The following LMNB1 variants were observed in gnomAD, a reference collection of about 807,000 sequenced individuals.
LMNB1 encodes lamin B1, also known as lamin-B1.
In LMNB1, 23 loss-of-function variants were observed where a neutral mutation model predicts 67.1. The ratio of observed to expected loss-of-function variants is 0.34; its 90% CI spans 0.25 to 0.49. The LOEUF is 0.49. Among genes scored for constraint, LMNB1 ranks in the 20% least tolerant of loss-of-function variants. The probability of loss-of-function intolerance (pLI) is 0.99; values close to 1 mark genes in which losing one functional copy is unlikely to be tolerated. For synonymous variants in LMNB1, 281 were observed against 282.9 expected, an observed-to-expected ratio of 0.99 and a Z score of 0.07; for missense variants, 634 against 746.5, an observed-to-expected ratio of 0.85 and a Z score of 1.76.
chr5:126,818,094 C>T (rs902005148), intron 5 of LMNB1, among the ~76,000 whole-genome samples: 6 of 152,120 alleles, frequency 3.9e-5, no homozygotes, highest in Non-Finnish European at 8.8e-5. Context: ...CATGAGATAG[C>T]CCAGCAATCC....
chr5:126,811,482 A>G (rs1751576021), intron 4 of LMNB1, among the ~76,000 whole-genome samples: 1 of 152,204 alleles, frequency 6.6e-6, no homozygotes, highest in African/African-American at 2.4e-5. Flanking sequence ...TCTTATTATC[A>G]GTGTTATCTT....
chr5:126,813,317 C>T (rs1426603352), intron 5 of LMNB1, among the ~76,000 whole-genome samples: 2 of 152,166 alleles, frequency 1.3e-5, no homozygotes, highest in Admixed American at 1.3e-4. Flanking sequence ...GCTGGAAGCA[C>T]CTCTGAGTTC....
chr5:126,788,461 AC>A (rs1287216344), intron 1 of LMNB1, among the ~76,000 whole-genome samples: 7 of 152,024 alleles, frequency 4.6e-5, no homozygotes, highest in African/African-American at 1.7e-4. Flanking sequence ...ACATGGCGAA[AC>A]CCCGTTTCTA....
Position 126,785,295 on chromosome 5 carries a change from ATT to A in LMNB1, c.359+7441_359+7442del, listed in dbSNP as rs112060547. ...GCCACGGTGCCCTGCCTAAAAATTA[ATT>A]TTTTTTTTTTTTAATAACTGAGTCT... On this transcript the variant is annotated intron_variant, in intron 1 of 10. Coordinates refer to ENST00000261366, the MANE Select transcript of LMNB1 (RefSeq NM_005573.4). Among the ~76,000 whole-genome samples the A allele has an allele frequency of 5.8e-3, 711 of 123,066 alleles. 11 individuals are homozygous for A. Among genetic ancestry groups the A allele is most frequent in the African/African-American group, 0.022 (679 of 30,878 alleles). The allele number at this position is 123,066 out of a possible 152,430, so 80.7% of individuals were successfully genotyped here. A position where few individuals can be genotyped will look rare whatever the true frequency, so the allele number is the denominator to read the frequency against.
intron 1 of LMNB1, among the ~76,000 whole-genome samples, chr5:126,800,227 C>T (rs1013586624): frequency 6.6e-6 from 1 of 152,110 alleles, no homozygotes; most frequent in African/African-American, 2.4e-5. Flanking sequence ...GTGTAGGAGA[C>T]AGACATGGAA....
chr5:126,784,319 G>A (rs183864093), intron 1 of LMNB1, among the ~76,000 whole-genome samples: 6 of 151,170 alleles, frequency 4.0e-5, no homozygotes, highest in Admixed American at 6.6e-5. Flanking sequence ...GTGAGCCACC[G>A]CACCTGGCCG....
intron 5 of LMNB1, among the ~76,000 whole-genome samples, chr5:126,816,703 T>C (rs1580547997): frequency 6.6e-6 from 1 of 152,308 alleles, no homozygotes; most frequent in African/African-American, 2.4e-5. Flanking sequence ...GCTTGAGTCT[T>C]GAGTAAGATT....
intron 1 of LMNB1, among the ~76,000 whole-genome samples, chr5:126,793,740 G>C (rs972281156): frequency 1.3e-5 from 2 of 152,058 alleles, no homozygotes; most frequent in Admixed American, 6.6e-5. Flanking sequence ...GCCGAATGTA[G>C]TGTCGGGCGC....
At chr5:126,817,115 T>C (rs1254518974) in intron 5 of LMNB1, among the ~76,000 whole-genome samples, 1 of 152,256 alleles carries the variant, frequency 6.6e-6, no homozygotes, top group Non-Finnish European at 1.5e-5. Context: ...GTATGGACCA[T>C]GGGCATTTAC....
chr5:126,813,447 C>T (rs1751627786), intron 5 of LMNB1, among the ~76,000 whole-genome samples: 2 of 152,164 alleles, frequency 1.3e-5, no homozygotes, highest in Non-Finnish European at 2.9e-5. Context: ...TCATTTTCTT[C>T]AAAGAAGATT....
At chr5:126,780,641 A>G (rs1027634857) in intron 1 of LMNB1, among the ~76,000 whole-genome samples, 1 of 152,222 alleles carries the variant, frequency 6.6e-6, no homozygotes, top group African/African-American at 2.4e-5. Flanking sequence ...AGGAGTTGAC[A>G]GTACCTATTC....
intron 9 of LMNB1, among the ~76,000 whole-genome samples, chr5:126,831,952 C>T (rs72780215): frequency 0.058 from 8,814 of 152,074 alleles, 292 homozygotes; most frequent in Middle Eastern, 0.088. Context: ...TACAGCTCCC[C>T]CCGCCCCACC....
intron 1 of LMNB1, 50 bp downstream of exon 1, chr5:126,777,917 A>C: frequency 7.3e-7 from 1 of 1,376,702 alleles, no homozygotes. Context: ...GCGGGGGCGC[A>C]ACCGCGGCGA....
chr5:126,777,513 C>A lies in LMNB1; in HGVS notation c.5C>A (p.Ala2Glu). The change falls in exon 1 of 11, where the codon GCG becomes GAG. Residue 2 changes from alanine to glutamate, a missense_variant. By Grantham distance (107) the Ala-to-Glu change is moderately radical. Coordinates refer to ENST00000261366, the MANE Select transcript of LMNB1 (RefSeq NM_005573.4). Reference sequence around the variant, plus strand: ...CCGCTGTCTCCGCCGCCCGCCATGGCGACTGCGACCCCCGTGCCGCCGCGG... The same window carrying A: ...CCGCTGTCTCCGCCGCCCGCCATGGAGACTGCGACCCCCGTGCCGCCGCGG... M[A>E]TATPVPPRMG... The A allele has an allele frequency of 7.4e-7, 1 of 1,348,034 alleles. No homozygotes were observed. Among genetic ancestry groups the A allele is most frequent in the Non-Finnish European group, 9.5e-7 (1 of 1,052,156 alleles). The allele number at this position is 1,348,034 out of a possible 1,614,324, so 83.5% of individuals were successfully genotyped here.
Position 126,823,581 on chromosome 5 carries a change from CTT to C in LMNB1, c.1491+699_1491+700del, listed in dbSNP as rs1312337195. The stretch of plus-strand genomic sequence containing the variant: ...TGATACAGATTTCAAAGAAGTCACT[CTT>C]TTCATCCTAAAAGAATGTAGAGGTG... On this transcript the variant is annotated intron_variant, in intron 8 of 10. Coordinates refer to ENST00000261366, the MANE Select transcript of LMNB1 (RefSeq NM_005573.4). Among the ~76,000 whole-genome samples, 2 of 152,192 alleles carry C rather than the reference CTT, an allele frequency of 1.3e-5. 1 individual carries two copies. Among genetic ancestry groups the C allele is most frequent in the Non-Finnish European group, 2.9e-5 (2 of 68,024 alleles).
chr5:126,811,923 AG>A (rs1751587646), intron 5 of LMNB1, 25 bp downstream of exon 5: 1 of 1,598,374 alleles, frequency 6.3e-7, no homozygotes, highest in Non-Finnish European at 8.6e-7. Flanking sequence ...TTCTGTAAGA[AG>A]TTAGACTTGA....
At chr5:126,820,174 A>C (rs1260432633) in intron 6 of LMNB1, among the ~76,000 whole-genome samples, 6 of 152,142 alleles carry the variant, frequency 3.9e-5, no homozygotes, top group Non-Finnish European at 8.8e-5. Flanking sequence ...AAAAAGTTCC[A>C]AAAGGAAAGT....
chr5:126,820,967 T>A lies in LMNB1; in HGVS notation c.1218T>A (p.Ser406Arg), dbSNP rs1350724655. Residue 406 changes from serine to arginine, a missense_variant, in exon 7 of 11, where the codon AGT becomes AGA. Ser to Arg is a moderately radical substitution (Grantham distance 110). Coordinates refer to ENST00000261366, the MANE Select transcript of LMNB1 (RefSeq NM_005573.4). ...TGACAGTATCCCGAGCATCCTCAAG[T>A]CGTAGTGTACGTACAACTAGAGGAA... ...SRVTVSRASS[S>R]RSVRTTRGKR... is the part of the protein sequence containing the mutation. 1 of 1,614,116 alleles carries A rather than the reference T, an allele frequency of 6.2e-7. No homozygotes were observed. Among genetic ancestry groups the A allele is most frequent in the South Asian group, 1.1e-5 (1 of 91,078 alleles).
In LMNB1 at chr5:126,805,554, C is replaced by A; in HGVS notation, c.517-17C>A. On this transcript the variant is annotated splice_polypyrimidine_tract_variant and intron_variant, in intron 2 of 10. Transcript: ENST00000261366. ...TTGCCATGTAATTTTTATCACAATT[C>A]TTTTTCCTTGTAATAGTTGGAAGCC... 1 of 1,564,076 alleles carries A rather than the reference C, an allele frequency of 6.4e-7. No individual in the cohort carries two copies. Among genetic ancestry groups the A allele is most frequent in the African/African-American group, 1.4e-5 (1 of 73,594 alleles).
Sources: gnomAD v4.1 joint callset for allele counts (sites outside exome capture counted in the v4.1 genomes callset) on GRCh38, gnomAD v4.1.1 for gene constraint, MANE v1.5 for transcripts, NCBI Gene and HGNC (gene_info 2026-07-23, HGNC 2026-07-21) for gene names.